The following DNASE1L3 variants were observed in gnomAD, a reference collection of about 807,000 sequenced individuals.
The protein encoded by DNASE1L3 is deoxyribonuclease 1L3.
DNASE1L3 carries 27 observed loss-of-function variants against 30.9 expected under a neutral mutation model. The observed-to-expected ratio is 0.87, with a 90% CI of 0.64 to 1.20. The LOEUF (loss-of-function observed/expected upper bound fraction) is 1.20. Among genes scored for constraint, DNASE1L3 ranks in the 50% most tolerant of loss-of-function variants. The pLI is 0.00. For missense variants in DNASE1L3, 364 were observed against 378.2 expected, an observed-to-expected ratio of 0.96 and a Z score of 0.31; for synonymous variants, 135 against 138.0, an observed-to-expected ratio of 0.98 and a Z score of 0.15.
chr3:58,196,571 A>AC (rs969373100), intron 6 of DNASE1L3, among the ~76,000 whole-genome samples: 10 of 150,868 alleles, frequency 6.6e-5, no homozygotes, highest in Middle Eastern at 6.8e-3. Flanking sequence ...AAAAAAAAAA[A>AC]AAAAAACTCC....
chr3:58,198,918 C>A (rs2097398964), intron 5 of DNASE1L3, among the ~76,000 whole-genome samples: 1 of 151,980 alleles, frequency 6.6e-6, no homozygotes, highest in African/African-American at 2.4e-5. Flanking sequence ...GTGAGCTGTC[C>A]ACCCCCACCC....
intron 4 of DNASE1L3, among the ~76,000 whole-genome samples, chr3:58,203,634 A>C (rs1166463041): frequency 6.6e-6 from 1 of 152,070 alleles, no homozygotes; most frequent in African/African-American, 2.4e-5. Context: ...CTATCTCGCT[A>C]TTTAAAAATT....
At position 58,193,327 on chromosome 3, in the gene DNASE1L3, A is replaced by G. The variant is rs906582065; in HGVS notation, c.801+16T>C. The G allele has an allele frequency of 6.2e-7, 1 of 1,613,018 alleles. No homozygotes were observed. The highest frequency in any genetic ancestry group is 1.3e-5 in the African/African-American group (1 of 74,894). ...TTCCAGGACAATGGCATAGAAAGACAAGATGGCAACCTTACCTCCTCTTCA... is the reference window on the plus strand; with the variant it reads ...TTCCAGGACAATGGCATAGAAAGACGAGATGGCAACCTTACCTCCTCTTCA... On this transcript the variant is annotated intron_variant, in intron 7 of 7. Transcript: ENST00000394549.
At chr3:58,206,861 T>A (rs2097404299) in intron 2 of DNASE1L3, among the ~76,000 whole-genome samples, 1 of 152,128 alleles carries the variant, frequency 6.6e-6, no homozygotes, top group Non-Finnish European at 1.5e-5. Context: ...GCTGGGTAAC[T>A]CAGGCAGGTC....
intron 6 of DNASE1L3, among the ~76,000 whole-genome samples, chr3:58,194,351 T>C (rs2097395920): frequency 1.5e-5 from 2 of 132,590 alleles, no homozygotes; most frequent in East Asian, 5.0e-4. Context: ...GACACAGTCA[T>C]GCTCTGTCAC....
intron 4 of DNASE1L3, among the ~76,000 whole-genome samples, chr3:58,203,892 A>G (rs1462755564): frequency 6.6e-6 from 1 of 152,122 alleles, no homozygotes; most frequent in Non-Finnish European, 1.5e-5. Context: ...GGGTGACTCC[A>G]TGCCTTTTTA....
At chr3:58,208,331 G>A (rs780199881) in intron 1 of DNASE1L3, 25 bp from the exon 2 acceptor site, 35 of 1,611,706 alleles carry the variant, frequency 2.2e-5, no homozygotes, top group Non-Finnish European at 2.8e-5. Flanking sequence ...ATTCCCAGGG[G>A]TTTGAGGTCA....
chr3:58,202,670 A>G (rs1047541741), intron 4 of DNASE1L3, among the ~76,000 whole-genome samples: 5 of 151,728 alleles, frequency 3.3e-5, no homozygotes, highest in South Asian at 2.1e-4. Flanking sequence ...CCTGACCATC[A>G]TGGAGAAAAC....
chr3:58,201,092 T>C lies in DNASE1L3; in HGVS notation c.451A>G (p.Ile151Val), dbSNP rs778204609. 62 of 1,608,722 alleles carry C rather than the reference T, an allele frequency of 3.9e-5. No individual in the cohort carries two copies. In the East Asian group the frequency reaches 1.3e-3, roughly 35 times the overall value. Residue 151 changes from isoleucine to valine, a missense_variant, in exon 5 of 8, where the codon ATT (isoleucine) becomes GTT (valine). Transcript: ENST00000394549. ...TCTGGGGTGGTGTGCAGGGGGATAA[T>C]CACGAAGTCTTTGACAGCTGAGAAA... ...SPHTAVKDFV[I>V]IPLHTTPETS... is the part of the protein sequence containing the mutation.
At chr3:58,204,314 T>C (rs1314510772) in intron 4 of DNASE1L3, among the ~76,000 whole-genome samples, 1 of 152,078 alleles carries the variant, frequency 6.6e-6, no homozygotes, top group Non-Finnish European at 1.5e-5. Flanking sequence ...CTAATTTTTG[T>C]ATTTTTAGTA....
At position 58,197,402 on chromosome 3, in the gene DNASE1L3, C is replaced by T. The variant is rs1163497337; in HGVS notation, c.704+419G>A. Reference sequence around the variant, plus strand: ...TACATGTGGTACCCAGTAGAGGGGCCTGACATTTAATTGACTCAGCTCTGC... The same window carrying T: ...TACATGTGGTACCCAGTAGAGGGGCTTGACATTTAATTGACTCAGCTCTGC... On this transcript the variant is annotated intron_variant, in intron 6 of 7. Coordinates refer to ENST00000394549, the MANE Select transcript of DNASE1L3 (RefSeq NM_004944.4). The surrounding 1 kb of genome is among the most constrained non-coding windows in gnomAD (Gnocchi z 5.3). Among the ~76,000 whole-genome samples, 1 of 152,136 alleles carries T rather than the reference C, an allele frequency of 6.6e-6. No individual in the cohort carries two copies. Among genetic ancestry groups the T allele is most frequent in the Non-Finnish European group, 1.5e-5 (1 of 68,018 alleles).
At position 58,193,044 on chromosome 3, in the gene DNASE1L3, G is replaced by T. The variant is rs191920398; in HGVS notation, c.802-241C>A. On this transcript the variant is annotated intron_variant, in intron 7 of 7. Transcript: ENST00000394549. The stretch of plus-strand genomic sequence containing the variant: ...TCTAGTGCCCAATGTTGTGTCTTCA[G>T]TGGTGACCTCAAAGGGTGGCATCAA... The T allele has an allele frequency of 2.8e-4, 403 of 1,427,624 alleles. No homozygotes were observed. In the African/African-American group the frequency reaches 5.4e-3, roughly 19 times the overall value. 88.4% of individuals were successfully genotyped at this position (1,427,624 alleles called of 1,614,324 possible). A position where few individuals can be genotyped will look rare whatever the true frequency, so the allele number is the denominator to read the frequency against.
chr3:58,193,196 C>A (rs1559754321), intron 7 of DNASE1L3, 147 bp downstream of exon 7: 1 of 1,436,038 alleles, frequency 7.0e-7, no homozygotes, highest in African/African-American at 1.4e-5. Context: ...CCCACCTCAG[C>A]CTCCCAAGTA....
rs2097400054 is a variant in DNASE1L3, at chr3:58,200,741, G to A, written c.546+256C>T. Among the ~76,000 whole-genome samples, 1 of 152,222 alleles carries A rather than the reference G, an allele frequency of 6.6e-6. No homozygotes were observed. Among genetic ancestry groups the A allele is most frequent in the Non-Finnish European group, 1.5e-5 (1 of 68,040 alleles). The stretch of plus-strand genomic sequence containing the variant: ...AGTCTCAGCACAGTGCCTGGCACTA[G>A]CTATTCACTCAGTAAATGTTGGCAT... On this transcript the variant is annotated intron_variant, in intron 5 of 7. Transcript: ENST00000394549. The surrounding 1 kb of genome is among the most constrained non-coding windows in gnomAD (Gnocchi z 4.2).
intron 1 of DNASE1L3, 57 bp from the exon 2 acceptor site, chr3:58,208,363 C>T (rs1222334212): frequency 1.3e-6 from 2 of 1,534,020 alleles, no homozygotes; most frequent in East Asian, 2.2e-5. Flanking sequence ...TAAATAAAAC[C>T]TTTTATTGGA....
At position 58,192,594 on chromosome 3, in the gene DNASE1L3, ACTCTTGTTTC is replaced by A. The variant is rs1301153006; in HGVS notation, c.*83_*92del. ...GTCAAAAAATGAAAGCAGTTGGATCACTCTTGTTTCCTAAGTACAGGGAGCAGTTCATATC... is the reference window on the plus strand; with the variant it reads ...GTCAAAAAATGAAAGCAGTTGGATCACTAAGTACAGGGAGCAGTTCATATC... On this transcript the variant is annotated 3_prime_UTR_variant, in exon 8 of 8. Coordinates refer to ENST00000394549, the MANE Select transcript of DNASE1L3 (RefSeq NM_004944.4). This position sits in a 1 kb window ranked among gnomAD's most constrained non-coding sequence, Gnocchi z 4.8. 22 of 1,298,184 alleles carry A rather than the reference ACTCTTGTTTC, an allele frequency of 1.7e-5. No individual in the cohort carries two copies. Among genetic ancestry groups the A allele is most frequent in the Non-Finnish European group, 2.3e-5 (22 of 942,010 alleles). The allele number at this position is 1,298,184 out of a possible 1,614,324, so 80.4% of individuals were successfully genotyped here. A position where few individuals can be genotyped will look rare whatever the true frequency, so the allele number is the denominator to read the frequency against.
intron 2 of DNASE1L3, among the ~76,000 whole-genome samples, chr3:58,206,194 C>T (rs961810395): frequency 3.9e-5 from 6 of 152,210 alleles, no homozygotes; most frequent in Admixed American, 3.9e-4. Context: ...GGAAAGCGGA[C>T]TCTTTCTGTG....
intron 6 of DNASE1L3, among the ~76,000 whole-genome samples, chr3:58,195,331 C>G (rs1173355202): frequency 6.6e-6 from 1 of 152,158 alleles, no homozygotes; most frequent in Non-Finnish European, 1.5e-5. Context: ...GTTGTCCAGG[C>G]TGGAGTGCCG....
chr3:58,204,933 A>T, intron 3 of DNASE1L3, 52 bp from the exon 4 acceptor site: 1 of 1,544,076 alleles, frequency 6.5e-7, no homozygotes, highest in South Asian at 1.1e-5. Context: ...TTTTCTTACT[A>T]CTTTCATGAA....
Sources: gnomAD v4.1 joint callset for allele counts (sites outside exome capture counted in the v4.1 genomes callset) on GRCh38, gnomAD v4.1.1 for gene constraint, Gnocchi (gnomAD v3.1) non-coding constraint, MANE v1.5 for transcripts, NCBI Gene and HGNC (gene_info 2026-07-23, HGNC 2026-07-21) for gene names.